The following STPG2 variants were observed in gnomAD, a reference collection of about 807,000 sequenced individuals.
The protein encoded by STPG2 is sperm tail PG-rich repeat containing 2, also known as sperm-tail PG-rich repeat-containing protein 2.
STPG2 carries 56 observed loss-of-function variants against 54.2 expected under a neutral mutation model. The ratio of observed to expected loss-of-function variants is 1.03; its 90% CI spans 0.83 to 1.29. STPG2 has a LOEUF of 1.29. Among genes scored for constraint, STPG2 ranks in the 50% most tolerant of loss-of-function variants. The pLI, the probability that STPG2 is intolerant of heterozygous loss-of-function variation, is 0.00. For missense variants in STPG2, 596 were observed against 544.9 expected (o/e 1.09, Z -0.93); for synonymous variants, 200 against 181.8 (o/e 1.10, Z -0.81).
intron 9 of STPG2, among the ~76,000 whole-genome samples, chr4:97,761,507 A>T (rs1014633245): frequency 9.2e-5 from 14 of 152,174 alleles, no homozygotes; most frequent in African/African-American, 3.4e-4. Flanking sequence ...TCTTGGTTGA[A>T]GACTTCTTGC....
At chr4:98,124,755 T>C (rs746283951) in intron 3 of STPG2, among the ~76,000 whole-genome samples, 2 of 152,228 alleles carry the variant, frequency 1.3e-5, no homozygotes, top group Non-Finnish European at 1.5e-5. Context: ...TCTAGGATGA[T>C]ATCCCAAGGT....
chr4:97,512,807 C>T (rs1326409646), intron 4 of STPG2, among the ~76,000 whole-genome samples: 2 of 152,044 alleles, frequency 1.3e-5, no homozygotes, highest in Non-Finnish European at 2.9e-5. Flanking sequence ...ACTATACTCT[C>T]ACAATACAGA....
intron 8 of STPG2, among the ~76,000 whole-genome samples, chr4:97,878,187 T>C (rs951984242): frequency 1.3e-5 from 2 of 152,146 alleles, no homozygotes; most frequent in Non-Finnish European, 2.9e-5. Flanking sequence ...CCAGGTGCTT[T>C]CACTGCTGGC....
intron 4 of STPG2, among the ~76,000 whole-genome samples, chr4:97,462,967 C>G (rs1729700491): frequency 6.6e-6 from 1 of 152,010 alleles, no homozygotes; most frequent in Non-Finnish European, 1.5e-5. Flanking sequence ...ATTTCTTTAT[C>G]TGATTATATA....
At chr4:97,875,056 A>C (rs985863369) in intron 8 of STPG2, among the ~76,000 whole-genome samples, 2 of 151,908 alleles carry the variant, frequency 1.3e-5, no homozygotes, top group Non-Finnish European at 2.9e-5. Context: ...CATCATATGG[A>C]TATGCTAGTC....
At chr4:97,475,244 T>C (rs965798924) in intron 4 of STPG2, among the ~76,000 whole-genome samples, 17 of 152,008 alleles carry the variant, frequency 1.1e-4, no homozygotes, top group African/African-American at 3.9e-4. Context: ...GCCAAACTTT[T>C]GTTGAAAACA....
intron 7 of STPG2, among the ~76,000 whole-genome samples, chr4:97,954,094 T>G (rs1410219030): frequency 6.6e-6 from 1 of 152,218 alleles, no homozygotes; most frequent in Non-Finnish European, 1.5e-5. Flanking sequence ...CAACTTTGAA[T>G]GAAATTACCA....
At chr4:97,532,450 A>G (rs1276631338) in intron 4 of STPG2, among the ~76,000 whole-genome samples, 1 of 152,210 alleles carries the variant, frequency 6.6e-6, no homozygotes, top group Non-Finnish European at 1.5e-5. Flanking sequence ...AAAAAATCAG[A>G]AAAGTTTTCT....
At chr4:98,007,694 A>G (rs1308208994) in intron 5 of STPG2, among the ~76,000 whole-genome samples, 2 of 152,152 alleles carry the variant, frequency 1.3e-5, no homozygotes, top group Non-Finnish European at 2.9e-5. Flanking sequence ...GTAATCTTAA[A>G]ATCAATACAA....
intron 8 of STPG2, among the ~76,000 whole-genome samples, chr4:97,904,771 T>A (rs1002529550): frequency 6.6e-6 from 1 of 152,190 alleles, no homozygotes. Context: ...AAGGAGCTGA[T>A]GGAGCTGAAA....
At chr4:97,640,934 G>T (rs1250549676) in intron 10 of STPG2, among the ~76,000 whole-genome samples, 2 of 151,486 alleles carry the variant, frequency 1.3e-5, no homozygotes, top group Non-Finnish European at 3.0e-5. Flanking sequence ...TACATATCCT[G>T]CAAGATAAAG....
chr4:97,562,983 T>C (rs1040540324), intron 10 of STPG2, among the ~76,000 whole-genome samples: 6 of 152,176 alleles, frequency 3.9e-5, no homozygotes, highest in African/African-American at 1.4e-4. Flanking sequence ...GATTCCCTCT[T>C]TTTCTATTGA....
At chr4:97,528,102 C>T (rs991944578) in intron 4 of STPG2, among the ~76,000 whole-genome samples, 4 of 152,056 alleles carry the variant, frequency 2.6e-5, no homozygotes, top group African/African-American at 7.2e-5. Context: ...ATATTCCCTA[C>T]ATTTTCTTCT....
At chr4:97,470,680 T>G (rs1729902204) in intron 4 of STPG2, among the ~76,000 whole-genome samples, 1 of 152,090 alleles carries the variant, frequency 6.6e-6, no homozygotes, top group Admixed American at 6.6e-5. Flanking sequence ...ATAAAAGTTA[T>G]ATGAATGTGG....
At chr4:97,600,332 G>A (rs1733426510) in intron 10 of STPG2, among the ~76,000 whole-genome samples, 1 of 152,132 alleles carries the variant, frequency 6.6e-6, no homozygotes, top group Non-Finnish European at 1.5e-5. Flanking sequence ...ACCAGAACAT[G>A]CTAGGTGCTA....
intron 3 of STPG2, among the ~76,000 whole-genome samples, chr4:98,126,433 G>C (rs1337065011): frequency 6.6e-6 from 1 of 152,184 alleles, no homozygotes; most frequent in East Asian, 1.9e-4. Flanking sequence ...AGATCCATGA[G>C]AAAAGTGTAG....
At chr4:97,538,647 A>G (rs1471234567) in intron 4 of STPG2, among the ~76,000 whole-genome samples, 3 of 152,192 alleles carry the variant, frequency 2.0e-5, no homozygotes, top group African/African-American at 4.8e-5. Context: ...AACTTCCCCA[A>G]CCTAGCAAGG....
At chr4:97,990,882 T>C (rs1450368930) in intron 5 of STPG2, among the ~76,000 whole-genome samples, 6 of 152,200 alleles carry the variant, frequency 3.9e-5, no homozygotes, top group Non-Finnish European at 8.8e-5. Context: ...TTAAACTTTA[T>C]TCCTATACCA....
At chr4:97,585,282 G>A (rs1025403480) in intron 10 of STPG2, among the ~76,000 whole-genome samples, 3 of 151,752 alleles carry the variant, frequency 2.0e-5, no homozygotes, top group Admixed American at 2.0e-4. Flanking sequence ...ATAAATGCAG[G>A]ATATCCAGTG....
Sources: allele counts gnomAD v4.1 joint callset (sites outside exome capture counted in the v4.1 genomes callset), GRCh38; gene constraint gnomAD v4.1.1; transcripts MANE v1.5; gene names NCBI Gene and HGNC (gene_info 2026-07-23, HGNC 2026-07-21).